The following RRBP1 variants were observed in gnomAD, a reference collection of about 807,000 sequenced individuals.
The protein encoded by RRBP1 is ribosome binding protein 1, also known as ribosome-binding protein 1.
Under a neutral mutation model 165.2 loss-of-function variants are expected in RRBP1, and 94 were observed. The ratio of observed to expected loss-of-function variants is 0.57; its 90% CI spans 0.48 to 0.68. The LOEUF is 0.68. Ranked by LOEUF, RRBP1 falls within the 30% of genes least tolerant of loss-of-function variation. The probability of loss-of-function intolerance (pLI) is 0.00; values close to 1 mark genes in which losing one functional copy is unlikely to be tolerated. For missense variants in RRBP1, 1,676 were observed against 1,763.0 expected (o/e 0.95, Z 0.88); for synonymous variants, 680 against 714.5 (o/e 0.95, Z 0.77).
At position 17,659,664 on chromosome 20, in the gene RRBP1, C is replaced by G. The variant is rs765768545; in HGVS notation, c.844G>C (p.Val282Leu). The change falls in exon 3 of 25, where the codon GTG (valine) becomes CTG (leucine). Residue 282 changes from valine (V) to leucine (L), a missense_variant. Coordinates refer to ENST00000377813, the MANE Select transcript of RRBP1 (RefSeq NM_001365613.2). The stretch of plus-strand genomic sequence containing the variant: ...CTGCCCTGGGTTGGGGCCCCCTCCA[C>G]CTTTTTCCCCTGGTTTGGGGTTGTA... ...VDTTPNQGKK[V>L]EGAPTQGRKA... 2.9e-4 allele frequency: 452 copies of G among 1,550,504 alleles called. 1 individual carries two copies. The highest frequency in any genetic ancestry group is 1.7e-3 in the Middle Eastern group (10 of 5,992).
chr20:17,649,748 G>A (rs567001492), intron 3 of RRBP1, among the ~76,000 whole-genome samples: 9 of 152,198 alleles, frequency 5.9e-5, no homozygotes, highest in African/African-American at 2.2e-4. Flanking sequence ...CCATTAGATT[G>A]CAGAACACGA....
chr20:17,624,752 G>C (rs918436829), intron 12 of RRBP1, 84 bp from the exon 13 acceptor site: 1 of 995,562 alleles, frequency 1.0e-6, no homozygotes, highest in Non-Finnish European at 1.5e-6. Context: ...ACAGGGCCCA[G>C]AGACCCTCCT....
Position 17,621,726 on chromosome 20 carries a change from C to T in RRBP1, c.3288G>A (p.Leu1096=). 6.2e-7 allele frequency: 1 copy of T among 1,613,744 alleles called. No homozygotes were observed. Among genetic ancestry groups the T allele is most frequent in the Non-Finnish European group, 8.5e-7 (1 of 1,179,994 alleles). The change falls in exon 15 of 25, where the codon CTG becomes CTA. Residue 1096 remains leucine (L), a synonymous_variant. Coordinates refer to ENST00000377813, the MANE Select transcript of RRBP1 (RefSeq NM_001365613.2). ...CCGCGGGAGCTGGCGGGTGCTTCAGCAGCGTGGGGCCTTTCTCTTTGAGAT... is the reference window on the plus strand; with the variant it reads ...CCGCGGGAGCTGGCGGGTGCTTCAGTAGCGTGGGGCCTTTCTCTTTGAGAT... ...LQDLKEKGPT[L]LKHPPAPAEP...
rs1568747237 is a variant in RRBP1, at chr20:17,614,047, GTC to G, written c.*133_*134del. Reference sequence around the variant, plus strand: ...CTACTTCTGTGGCTCTAAGAGACTTGTCTCTCATGGCTTCTCTCGGAGCTACC... The same window carrying G: ...CTACTTCTGTGGCTCTAAGAGACTTGTCTCATGGCTTCTCTCGGAGCTACC... On this transcript the variant is annotated 3_prime_UTR_variant, in exon 25 of 25. Coordinates refer to ENST00000377813, the MANE Select transcript of RRBP1 (RefSeq NM_001365613.2). 3.6e-6 allele frequency: 3 copies of G among 841,946 alleles called. No homozygotes were observed. The highest frequency in any genetic ancestry group is 2.5e-5 in the East Asian group (1 of 40,440). 52.2% of individuals were successfully genotyped at this position (841,946 alleles called of 1,614,324 possible). A position where few individuals can be genotyped will look rare whatever the true frequency, so the allele number is the denominator to read the frequency against.
At chr20:17,657,767 T>C (rs2036671559) in intron 3 of RRBP1, among the ~76,000 whole-genome samples, 1 of 152,180 alleles carries the variant, frequency 6.6e-6, no homozygotes, top group Non-Finnish European at 1.5e-5. Flanking sequence ...ATCACATATA[T>C]ATCTATGTAA....
At chr20:17,677,615 A>G (rs2037106786) in intron 2 of RRBP1, among the ~76,000 whole-genome samples, 2 of 152,316 alleles carry the variant, frequency 1.3e-5, no homozygotes, top group African/African-American at 4.8e-5. Context: ...CGAGGAGGGC[A>G]GATCACCTGA....
intron 9 of RRBP1, among the ~76,000 whole-genome samples, chr20:17,628,047 C>T (rs893033963): frequency 6.6e-6 from 1 of 152,116 alleles, no homozygotes; most frequent in Non-Finnish European, 1.5e-5. Flanking sequence ...GCTAGGTGGA[C>T]CCCACTGCCA....
chr20:17,632,889 C>T (rs1459767371), intron 8 of RRBP1, among the ~76,000 whole-genome samples: 2 of 152,102 alleles, frequency 1.3e-5, no homozygotes, highest in Non-Finnish European at 2.9e-5. Context: ...AACAGGCACC[C>T]TCCTGGGAAA....
chr20:17,670,143 T>A (rs2036948712), intron 2 of RRBP1, among the ~76,000 whole-genome samples: 1 of 152,234 alleles, frequency 6.6e-6, no homozygotes, highest in Admixed American at 6.5e-5. Flanking sequence ...TTTTATCAAA[T>A]ACTTTATCTG....
chr20:17,657,571 A>G (rs1007810418), intron 3 of RRBP1, among the ~76,000 whole-genome samples: 2 of 152,128 alleles, frequency 1.3e-5, no homozygotes, highest in Non-Finnish European at 2.9e-5. Context: ...AAAGAAAGGA[A>G]AAAAGAAAAG....
chr20:17,666,887 CT>C (rs999294300), intron 2 of RRBP1, among the ~76,000 whole-genome samples: 20 of 103,498 alleles, frequency 1.9e-4, no homozygotes, highest in African/African-American at 6.7e-4. Flanking sequence ...ACATTTTCTC[CT>C]TTAATCTGAA....
chr20:17,617,455 G>A (rs548105648), intron 20 of RRBP1, among the ~76,000 whole-genome samples: 14 of 152,302 alleles, frequency 9.2e-5, no homozygotes, highest in Admixed American at 6.5e-4. Flanking sequence ...CTGACCCTGC[G>A]CTGAGGGGCC....
chr20:17,617,278 C>G (rs980937720), intron 20 of RRBP1, among the ~76,000 whole-genome samples: 34 of 152,378 alleles, frequency 2.2e-4, no homozygotes, highest in Middle Eastern at 3.4e-3. Context: ...CAAGGTCCCC[C>G]ACCCCTACGC....
chr20:17,638,391 C>T (rs1300349990), intron 5 of RRBP1, among the ~76,000 whole-genome samples: 4 of 152,196 alleles, frequency 2.6e-5, no homozygotes, highest in African/African-American at 9.6e-5. Flanking sequence ...CATCCTCAGC[C>T]CTCCTCTGCC....
chr20:17,666,107 T>G (rs1042326098), intron 2 of RRBP1, among the ~76,000 whole-genome samples: 5 of 152,224 alleles, frequency 3.3e-5, no homozygotes, highest in African/African-American at 1.2e-4. Context: ...AATTTGCATT[T>G]GAATCACACT....
rs1332676729 is a variant in RRBP1 at position 17,618,548 on chromosome 20, C to T, written c.3759+48G>A. The T allele has an allele frequency of 2.8e-6, 4 of 1,407,914 alleles. No individual in the cohort carries two copies. The East Asian group carries it at 9.1e-5, about 32-fold the overall frequency. The allele number at this position is 1,407,914 out of a possible 1,614,324, so 87.2% of individuals were successfully genotyped here. Reference sequence around the variant, plus strand: ...GACTGGCAAATGCATCTCACACACGCAACGCCCCAGGTCACACTCCTGGCA... The same window carrying T: ...GACTGGCAAATGCATCTCACACACGTAACGCCCCAGGTCACACTCCTGGCA... On this transcript the variant is annotated intron_variant, in intron 20 of 24. Coordinates refer to ENST00000377813, the MANE Select transcript of RRBP1 (RefSeq NM_001365613.2).
intron 4 of RRBP1, 101 bp from the exon 5 acceptor site, chr20:17,642,020 A>C: frequency 1.5e-6 from 2 of 1,321,718 alleles, no homozygotes; most frequent in Non-Finnish European, 2.1e-6. Context: ...GATGAAGTGG[A>C]GCAGGGGCTT....
intron 1 of RRBP1, among the ~76,000 whole-genome samples, chr20:17,680,565 G>A (rs544935353): frequency 1.3e-5 from 2 of 152,136 alleles, no homozygotes; most frequent in South Asian, 2.1e-4. Flanking sequence ...TTGCCAAATT[G>A]CCTTCTGTTT....
chr20:17,672,439 A>G (rs1316422527), intron 2 of RRBP1, among the ~76,000 whole-genome samples: 1 of 152,242 alleles, frequency 6.6e-6, no homozygotes, highest in African/African-American at 2.4e-5. Context: ...TCTCTCTGTG[A>G]CAGCGGAGAA....
Sources: allele counts gnomAD v4.1 joint callset (sites outside exome capture counted in the v4.1 genomes callset), GRCh38; gene constraint gnomAD v4.1.1; transcripts MANE v1.5; gene names NCBI Gene and HGNC (gene_info 2026-07-23, HGNC 2026-07-21).